The following EXD3 variants were observed in gnomAD, a reference collection of about 807,000 sequenced individuals.
EXD3 encodes the protein exonuclease mut-7 homolog.
Under a neutral mutation model 98.0 loss-of-function variants are expected in EXD3, and 92 were observed. The ratio of observed to expected loss-of-function variants is 0.94; its 90% CI spans 0.79 to 1.12. The LOEUF (loss-of-function observed/expected upper bound fraction) is 1.12. EXD3 is among the 50% of genes most tolerant of loss of function. The pLI is 0.00. For missense variants in EXD3, 1,222 were observed against 1,191.6 expected, an observed-to-expected ratio of 1.03 and a Z score of -0.38; for synonymous variants, 569 against 526.0, an observed-to-expected ratio of 1.08 and a Z score of -1.12.
At chr9:137,358,529 C>T (rs973410971) in intron 7 of EXD3, among the ~76,000 whole-genome samples, 5 of 152,270 alleles carry the variant, frequency 3.3e-5, no homozygotes, top group Admixed American at 6.5e-5. Context: ...CTCAGGCCTC[C>T]GAGGACAGTC....
intron 1 of EXD3, among the ~76,000 whole-genome samples, chr9:137,420,742 C>G (rs115632129): frequency 0.014 from 2,095 of 147,302 alleles, 113 homozygotes; most frequent in African/African-American, 0.049. Flanking sequence ...CATTCACCCC[C>G]CCCCCCAAAT....
At position 137,371,031 on chromosome 9, in the gene EXD3, G is replaced by A. The variant is rs894509014; in HGVS notation, c.462+1874C>T. On this transcript the variant is annotated intron_variant, in intron 5 of 21. Coordinates refer to ENST00000340951, the MANE Select transcript of EXD3 (RefSeq NM_017820.5). This position sits in a 1 kb window ranked among gnomAD's most constrained non-coding sequence, Gnocchi z 8.0. ...GGCGGTGAGCAGTGGAGCATGCATC[G>A]CCTGCCGGGCGGCCCCGCTCGGGGA... Among the ~76,000 whole-genome samples, 1 of 152,178 alleles carries A rather than the reference G, an allele frequency of 6.6e-6. No homozygotes were observed. The highest frequency in any genetic ancestry group is 1.5e-5 in the Non-Finnish European group (1 of 68,026).
intron 1 of EXD3, among the ~76,000 whole-genome samples, chr9:137,404,135 C>T (rs1275847727): frequency 4.6e-5 from 7 of 152,208 alleles, no homozygotes; most frequent in Admixed American, 6.5e-5. Context: ...GACACCAGTC[C>T]TACTGGATTA....
At chr9:137,312,186 TG>T (rs1564461271) in intron 19 of EXD3, among the ~76,000 whole-genome samples, 1 of 151,562 alleles carries the variant, frequency 6.6e-6, no homozygotes, top group Admixed American at 6.6e-5. Context: ...GTCAAGGCTG[TG>T]GGTCCAGAGC....
chr9:137,340,537 C>G, intron 17 of EXD3, among the ~76,000 whole-genome samples: 1 of 150,630 alleles, frequency 6.6e-6, no homozygotes. Context: ...ATCTTTTTTT[C>G]TTTTTTTTAA....
rs1409230820 is a variant in EXD3, at chr9:137,323,990, G to A, written c.2052+100C>T. The A allele has an allele frequency of 1.8e-5, 28 of 1,525,506 alleles. No individual in the cohort carries two copies. In the Admixed American group the frequency reaches 2.2e-4, roughly 12 times the overall value. The allele number at this position is 1,525,506 out of a possible 1,614,324, so 94.5% of individuals were successfully genotyped here. ...GGGTACGGCAGAGGCGCTGGGGGTC[G>A]GCCCCACGGCAAGCTGACCCTGAGG... On this transcript the variant is annotated intron_variant, in intron 18 of 21. Coordinates refer to ENST00000340951, the MANE Select transcript of EXD3 (RefSeq NM_017820.5).
At chr9:137,408,713 C>T (rs1471187495) in intron 1 of EXD3, among the ~76,000 whole-genome samples, 2 of 152,060 alleles carry the variant, frequency 1.3e-5, no homozygotes, top group Non-Finnish European at 2.9e-5. Flanking sequence ...CTTTTATCTG[C>T]GTCCCTTGAG....
chr9:137,365,535 CAT>C (rs1175195144), intron 7 of EXD3: 1 of 166,002 alleles, frequency 6.0e-6, no homozygotes, highest in African/African-American at 2.4e-5. Context: ...CGTACACACA[CAT>C]GCATGCACAC....
At chr9:137,379,252 T>TG (rs367703146) in intron 3 of EXD3, among the ~76,000 whole-genome samples, 1 of 124,766 alleles carries the variant, frequency 8.0e-6, no homozygotes, top group Non-Finnish European at 1.6e-5. Context: ...CCGAGGGGAA[T>TG]GGGGCGTCTG....
intron 1 of EXD3, among the ~76,000 whole-genome samples, chr9:137,415,454 A>G (rs1350034013): frequency 6.6e-6 from 1 of 151,988 alleles, no homozygotes; most frequent in Admixed American, 6.6e-5. Context: ...TCGGTCTCCT[A>G]AAGTGCTGGG....
chr9:137,413,677 T>G (rs953821029), intron 1 of EXD3, among the ~76,000 whole-genome samples: 1 of 151,758 alleles, frequency 6.6e-6, no homozygotes, highest in African/African-American at 2.4e-5. Flanking sequence ...AAGTTTTATA[T>G]TTCTGGTAGA....
At chr9:137,420,060 T>TG (rs1838438979) in intron 1 of EXD3, among the ~76,000 whole-genome samples, 1 of 151,896 alleles carries the variant, frequency 6.6e-6, no homozygotes, top group African/African-American at 2.4e-5. Flanking sequence ...CTCGGGAGGC[T>TG]GAGGCTGGTG....
At position 137,373,014 on chromosome 9, in the gene EXD3, G is replaced by A. The variant is rs543602510; in HGVS notation, c.353C>T (p.Pro118Leu). ...GGCCAGTGGTGCCGCAAGGCTGGGG[G>A]GGCTCTCAGTGAGGACTTTGACCGC... is the stretch of plus-strand genomic sequence containing the variant. ...ARAVKVLTES[P>L]PSLAAPLASI... Residue 118 changes from proline to leucine, a missense_variant, in exon 5 of 22, where the codon CCC becomes CTC. By Grantham distance (98) the Pro-to-Leu change is moderately conservative. Transcript: ENST00000340951. 3 of 1,605,170 alleles carry A rather than the reference G, an allele frequency of 1.9e-6. No individual in the cohort carries two copies. Among genetic ancestry groups the A allele is most frequent in the Admixed American group, 1.7e-5 (1 of 59,758 alleles).
intron 1 of EXD3, among the ~76,000 whole-genome samples, chr9:137,399,282 G>C (rs1163690837): frequency 6.6e-6 from 1 of 152,186 alleles, no homozygotes; most frequent in Non-Finnish European, 1.5e-5. Flanking sequence ...CAGCAGGACG[G>C]ACATGGTGTG....
intron 7 of EXD3, 141 bp downstream of exon 7, chr9:137,366,352 C>A: frequency 1.6e-6 from 2 of 1,230,806 alleles, no homozygotes; most frequent in South Asian, 2.6e-5. Context: ...CAGCTGCAGT[C>A]ACATGGCAGC....
At chr9:137,390,359 G>A (rs1836838936) in intron 2 of EXD3, among the ~76,000 whole-genome samples, 1 of 151,010 alleles carries the variant, frequency 6.6e-6, no homozygotes, top group South Asian at 2.1e-4. Context: ...GTGAACCCGG[G>A]AGGCGGAGGT....
At chr9:137,369,174 G>T (rs745477403) in intron 5 of EXD3, among the ~76,000 whole-genome samples, 116 of 149,324 alleles carry the variant, frequency 7.8e-4, no homozygotes, top group Non-Finnish European at 1.5e-3. Context: ...GTGGGAAGGG[G>T]CGCAGGGCCG....
intron 19 of EXD3, among the ~76,000 whole-genome samples, chr9:137,321,112 C>G (rs1275864028): frequency 1.3e-5 from 2 of 152,268 alleles, no homozygotes; most frequent in Admixed American, 1.3e-4. Flanking sequence ...GTACAGGTGC[C>G]TGGCCGGCTG....
Position 137,349,242 on chromosome 9 carries a change from C to G in EXD3, c.1698G>C (p.Leu566=), listed in dbSNP as rs1204051282. The G allele has an allele frequency of 6.3e-7, 1 of 1,574,814 alleles. No individual in the cohort carries two copies. The highest frequency in any genetic ancestry group is 1.1e-5 in the South Asian group (1 of 87,238). The change falls in exon 16 of 22, where the codon CTG becomes CTC. Residue 566 remains leucine (L), a synonymous_variant. Coordinates refer to ENST00000340951, the MANE Select transcript of EXD3 (RefSeq NM_017820.5). This position sits in a 1 kb window ranked among gnomAD's most constrained non-coding sequence, Gnocchi z 7.4. Reference sequence around the variant, plus strand: ...GGTGGAAGCGGGCGGGCTCTCTGCACAGGGCTTGGTGCACCTCCAGCAGGC... The same window carrying G: ...GGTGGAAGCGGGCGGGCTCTCTGCAGAGGGCTTGGTGCACCTCCAGCAGGC... ...AYCLLEVHQA[L]CREPARFHLS... is the part of the protein sequence containing the mutation.
Sources: gnomAD v4.1 joint callset for allele counts (sites outside exome capture counted in the v4.1 genomes callset) on GRCh38, gnomAD v4.1.1 for gene constraint, Gnocchi (gnomAD v3.1) non-coding constraint, MANE v1.5 for transcripts, NCBI Gene and HGNC (gene_info 2026-07-23, HGNC 2026-07-21) for gene names.